The following SPTLC3 variants were observed in gnomAD, a reference collection of about 807,000 sequenced individuals.
SPTLC3 encodes the protein serine palmitoyltransferase 3.
Under a neutral mutation model 59.3 loss-of-function variants are expected in SPTLC3, and 36 were observed. That is an observed-to-expected ratio of 0.61 (90% CI 0.47 to 0.80). The LOEUF (loss-of-function observed/expected upper bound fraction) is 0.80, where lower values mean the gene tolerates loss of function less well. SPTLC3 is among the 30% of genes least tolerant of loss of function. The pLI is 0.00. For synonymous variants in SPTLC3, 257 were observed against 240.8 expected (o/e 1.07, Z -0.62); for missense variants, 625 against 685.1 (o/e 0.91, Z 0.98).
At chr20:13,082,654 T>A (rs2122599544) in intron 4 of SPTLC3, among the ~76,000 whole-genome samples, 1 of 152,258 alleles carries the variant, frequency 6.6e-6, no homozygotes, top group African/African-American at 2.4e-5. Flanking sequence ...ATTCTCTAGA[T>A]CTCTATCAAA....
intron 4 of SPTLC3, among the ~76,000 whole-genome samples, chr20:13,087,827 T>C (rs1390503834): frequency 6.6e-6 from 1 of 152,160 alleles, no homozygotes; most frequent in Admixed American, 6.5e-5. Flanking sequence ...GCTATAATCA[T>C]CATATGATAA....
At chr20:13,085,724 A>G (rs561045162) in intron 4 of SPTLC3, among the ~76,000 whole-genome samples, 24 of 152,336 alleles carry the variant, frequency 1.6e-4, no homozygotes, top group African/African-American at 5.5e-4. Context: ...GCCAGTCAGT[A>G]TCAATAAAAA....
intron 9 of SPTLC3, among the ~76,000 whole-genome samples, chr20:13,141,245 G>T (rs1600370827): frequency 6.6e-6 from 1 of 152,204 alleles, no homozygotes; most frequent in East Asian, 1.9e-4. Flanking sequence ...GTTGGGAGCT[G>T]CAAGCTACAC....
chr20:13,105,813 T>C (rs1161861825), intron 6 of SPTLC3, among the ~76,000 whole-genome samples: 1 of 152,142 alleles, frequency 6.6e-6, no homozygotes, highest in Non-Finnish European at 1.5e-5. Flanking sequence ...CTTTATTCCA[T>C]TCAGAGGATT....
intron 7 of SPTLC3, among the ~76,000 whole-genome samples, chr20:13,114,012 CAGGACAGA>C (rs1990393536): frequency 6.6e-6 from 1 of 152,182 alleles, no homozygotes; most frequent in Non-Finnish European, 1.5e-5. Context: ...TTACTTGCCC[CAGGACAGA>C]TAACCGAGAT....
intron 9 of SPTLC3, among the ~76,000 whole-genome samples, chr20:13,134,962 G>A (rs1294925805): frequency 6.6e-6 from 1 of 152,198 alleles, no homozygotes; most frequent in Non-Finnish European, 1.5e-5. Flanking sequence ...GAATAGGAAA[G>A]GGAGTTTTGC....
intron 9 of SPTLC3, among the ~76,000 whole-genome samples, chr20:13,135,406 G>A (rs966274467): frequency 2.6e-5 from 4 of 152,072 alleles, no homozygotes; most frequent in East Asian, 3.9e-4. Flanking sequence ...TCCCATGATC[G>A]TTACAATTTT....
chr20:13,117,310 T>A (rs1055922466), intron 7 of SPTLC3, among the ~76,000 whole-genome samples, 196 bp from the exon 8 acceptor site: 32 of 152,246 alleles, frequency 2.1e-4, no homozygotes, highest in Non-Finnish European at 4.0e-4. Flanking sequence ...ATGTAAATTA[T>A]TTTATCCAAG....
chr20:13,153,912 G>A, intron 9 of SPTLC3, 91 bp from the exon 10 acceptor site: 2 of 1,534,098 alleles, frequency 1.3e-6, no homozygotes, highest in East Asian at 2.3e-5. Context: ...CTGGCCTGCA[G>A]AAAGACTTAA....
intron 9 of SPTLC3, among the ~76,000 whole-genome samples, chr20:13,127,434 A>C (rs1312596902): frequency 6.6e-6 from 1 of 152,204 alleles, no homozygotes; most frequent in Non-Finnish European, 1.5e-5. Context: ...TATCCTGGCC[A>C]CTGGACTGTA....
chr20:13,012,228 A>C (rs985291914), intron 1 of SPTLC3, among the ~76,000 whole-genome samples: 3 of 152,176 alleles, frequency 2.0e-5, no homozygotes, highest in African/African-American at 7.2e-5. Context: ...ATGAAAAAAA[A>C]ATTGTAAAGT....
At chr20:13,017,442 C>T (rs750105317) in intron 1 of SPTLC3, among the ~76,000 whole-genome samples, 3 of 152,226 alleles carry the variant, frequency 2.0e-5, no homozygotes, top group African/African-American at 7.2e-5. Flanking sequence ...GAGTACATGG[C>T]CTCCCTGAAT....
At chr20:13,022,108 C>T (rs1014600325) in intron 1 of SPTLC3, among the ~76,000 whole-genome samples, 2 of 152,212 alleles carry the variant, frequency 1.3e-5, no homozygotes, top group Admixed American at 6.5e-5. Flanking sequence ...ATTTCCCTTA[C>T]AGTCTTCCCC....
At position 13,028,857 on chromosome 20, in the gene SPTLC3, G is replaced by A. The variant is rs58075025; in HGVS notation, c.117+19473G>A. ...CCTGGAACACAGCCTTGGGACACTC[G>A]TATCCTTTACTGCTGATGAAGCTAT... On this transcript the variant is annotated intron_variant, in intron 1 of 11. Transcript: ENST00000399002. Among the ~76,000 whole-genome samples, 233 of 152,216 alleles carry A rather than the reference G, an allele frequency of 1.5e-3. 4 individuals carry two copies. In the East Asian group the frequency reaches 0.037, roughly 24 times the overall value.
At position 13,134,919 on chromosome 20, in the gene SPTLC3, G is replaced by A. The variant is rs562061730; in HGVS notation, c.1279+8202G>A. On this transcript the variant is annotated intron_variant, in intron 9 of 11. Transcript: ENST00000399002. ...CTCAGTTACTACTAGCACCTTGCCT[G>A]TCCTTCAGTCCCCATGACCACTTTG... Among the ~76,000 whole-genome samples the A allele has an allele frequency of 2.7e-4, 41 of 152,290 alleles. No individual in the cohort carries two copies. The East Asian group carries it at 7.5e-3, about 28-fold the overall frequency.
chr20:13,017,846 A>C (rs576811326), intron 1 of SPTLC3, among the ~76,000 whole-genome samples: 1 of 152,250 alleles, frequency 6.6e-6, no homozygotes, highest in Non-Finnish European at 1.5e-5. Context: ...TTGACCAAAA[A>C]CGTGATGGAA....
At chr20:13,159,867 C>T in intron 10 of SPTLC3, 136 bp from the exon 11 acceptor site, 1 of 1,209,496 alleles carries the variant, frequency 8.3e-7, no homozygotes, top group Non-Finnish European at 1.1e-6. Context: ...AAACTTCAAT[C>T]ATCTTCCACT....
chr20:13,076,939 CA>C (rs908811221), intron 4 of SPTLC3, among the ~76,000 whole-genome samples: 80 of 152,206 alleles, frequency 5.3e-4, no homozygotes, highest in African/African-American at 1.9e-3. Context: ...CCCAAAAATA[CA>C]GCTGGAAATG....
chr20:13,106,492 G>A (rs1037039203), intron 6 of SPTLC3, among the ~76,000 whole-genome samples: 3 of 152,164 alleles, frequency 2.0e-5, no homozygotes, highest in Non-Finnish European at 2.9e-5. Context: ...TGATGAGTGA[G>A]CATTCTCCAG....
Sources: allele counts gnomAD v4.1 joint callset (sites outside exome capture counted in the v4.1 genomes callset), GRCh38; gene constraint gnomAD v4.1.1; transcripts MANE v1.5; gene names NCBI Gene and HGNC (gene_info 2026-07-23, HGNC 2026-07-21).